The following TCF3 variants were observed in gnomAD, a reference collection of about 807,000 sequenced individuals.
TCF3 encodes the protein transcription factor 3.
TCF3 carries 54 observed loss-of-function variants against 72.3 expected under a neutral mutation model. That is an observed-to-expected ratio of 0.75 (90% CI 0.60 to 0.94). The LOEUF (loss-of-function observed/expected upper bound fraction) is 0.94. Ranked by LOEUF, TCF3 falls within the 40% of genes least tolerant of loss-of-function variation. TCF3 has a pLI of 0.00. For missense variants in TCF3, 1,078 were observed against 934.4 expected (o/e 1.15, Z -2.00); for synonymous variants, 525 against 412.6 (o/e 1.27, Z -3.30).
At position 1,624,619 on chromosome 19, in the gene TCF3, C is replaced by A. The variant is rs144710512; in HGVS notation, c.500-619G>T. ...CGCAGTCAGGCTTCACCACTAGGGGCTGCTGTTTGCAAACTCGCCTACAGG... is the reference window on the plus strand; with the variant it reads ...CGCAGTCAGGCTTCACCACTAGGGGATGCTGTTTGCAAACTCGCCTACAGG... On this transcript the variant is annotated intron_variant, in intron 7 of 18. Transcript: ENST00000262965. Among the ~76,000 whole-genome samples the A allele has an allele frequency of 4.1e-4, 63 of 152,324 alleles. No homozygotes were observed. The East Asian group carries it at 0.011, about 27-fold the overall frequency.
chr19:1,637,864 G>A (rs1210943695), intron 3 of TCF3, among the ~76,000 whole-genome samples: 1 of 151,970 alleles, frequency 6.6e-6, no homozygotes, highest in East Asian at 1.9e-4. Flanking sequence ...AGCCGAGATC[G>A]TGCCACTGCA....
intron 3 of TCF3, among the ~76,000 whole-genome samples, chr19:1,644,752 TG>T (rs2065828759): frequency 6.6e-6 from 1 of 152,112 alleles, no homozygotes; most frequent in Non-Finnish European, 1.5e-5. Flanking sequence ...CAGTGGTCCG[TG>T]CCAGGGCTGA....
chr19:1,612,483 G>A, intron 18 of TCF3: 2 of 1,519,164 alleles, frequency 1.3e-6, no homozygotes, highest in Non-Finnish European at 9.1e-7. Context: ...AGGCTGGGTG[G>A]GAGGGCAGGG....
In TCF3 at chr19:1,621,174, C is replaced by G; in HGVS notation, c.973G>C (p.Ala325Pro). 6.5e-7 allele frequency: 1 copy of G among 1,537,814 alleles called. No individual in the cohort carries two copies. Among genetic ancestry groups the G allele is most frequent in the Non-Finnish European group, 8.7e-7 (1 of 1,146,122 alleles). Reference protein sequence around the residue: ...DSLLGSRGTTAGSSGDALGKA... With the variant: ...DSLLGSRGTTPGSSGDALGKA... Reference sequence around the variant, plus strand: ...CCGAGGGCATCCCCGGAGCTGCCAGCTGTGGTCCCTCGGGAGCCTGTGGGT... The same window carrying G: ...CCGAGGGCATCCCCGGAGCTGCCAGGTGTGGTCCCTCGGGAGCCTGTGGGT... Residue 325 changes from alanine (A) to proline (P), a missense_variant, in exon 12 of 19, where the codon GCT becomes CCT. Transcript: ENST00000262965.
chr19:1,640,877 G>A (rs574379609), intron 3 of TCF3, among the ~76,000 whole-genome samples: 7 of 150,054 alleles, frequency 4.7e-5, no homozygotes, highest in East Asian at 2.0e-4. Context: ...GGCCAGGCGC[G>A]GTGGTTCACG....
At position 1,652,555 on chromosome 19, in the gene TCF3, G is replaced by C. The variant is rs1330666911; in HGVS notation, c.-295C>G. 1 of 144,762 alleles carries C rather than the reference G, an allele frequency of 6.9e-6. No homozygotes were observed. Among genetic ancestry groups the C allele is most frequent in the African/African-American group, 2.5e-5 (1 of 40,170 alleles). The allele number at this position is 144,762 out of a possible 1,614,324, so 9.0% of individuals were successfully genotyped here. ...CGGTGCCCGCCGCCGCGTCGGCTCC[G>C]GCCCGCTACGCCCGCAGCCGCCGCC... On this transcript the variant is annotated 5_prime_UTR_variant, in exon 1 of 19. Transcript: ENST00000262965.
At position 1,619,482 on chromosome 19, in the gene TCF3, G is replaced by A; in HGVS notation, c.1168-8C>T. ...GTCTTCTATCTTACTCTGCTGCAGG[G>A]TGGGGGGATGGGTGGTGAGGGGCCC... On this transcript the variant is annotated splice_region_variant and splice_polypyrimidine_tract_variant and intron_variant, in intron 14 of 18. Transcript: ENST00000262965. 6.4e-7 allele frequency: 1 copy of A among 1,569,486 alleles called. No individual in the cohort carries two copies. The highest frequency in any genetic ancestry group is 8.6e-7 in the Non-Finnish European group (1 of 1,160,492).
intron 3 of TCF3, among the ~76,000 whole-genome samples, chr19:1,642,207 C>CGCAG (rs2065386885): frequency 6.6e-6 from 1 of 151,778 alleles, no homozygotes; most frequent in Non-Finnish European, 1.5e-5. Flanking sequence ...CGCAGACACG[C>CGCAG]ACACACGCGC....
At chr19:1,621,487 C>T (rs1324099126) in intron 11 of TCF3, among the ~76,000 whole-genome samples, 1 of 151,088 alleles carries the variant, frequency 6.6e-6, no homozygotes, top group East Asian at 1.9e-4. Flanking sequence ...AACTGAGTCC[C>T]TCTCTGGGCC....
Position 1,610,943 on chromosome 19 carries a change from G to A in TCF3, c.*764C>T, listed in dbSNP as rs781366349. On this transcript the variant is annotated 3_prime_UTR_variant, in exon 19 of 19. Coordinates refer to ENST00000262965, the MANE Select transcript of TCF3 (RefSeq NM_003200.5). ...GGCTTCCGGGGGGGGGGGGGGACGG[G>A]GGGGCTCAGGTTTACACGGGGTCTT... The A allele has an allele frequency of 2.7e-4, 54 of 201,412 alleles. No individual in the cohort carries two copies. Among genetic ancestry groups the A allele is most frequent in the Admixed American group, 1.0e-3 (17 of 16,452 alleles). 12.5% of individuals were successfully genotyped at this position (201,412 alleles called of 1,614,324 possible). A position where few individuals can be genotyped will look rare whatever the true frequency, so the allele number is the denominator to read the frequency against.
At chr19:1,639,993 G>A (rs990430161) in intron 3 of TCF3, among the ~76,000 whole-genome samples, 2 of 152,164 alleles carry the variant, frequency 1.3e-5, no homozygotes, top group African/African-American at 4.8e-5. Flanking sequence ...TGCCAATGAA[G>A]CAGATTCTCC....
chr19:1,639,066 CAG>C (rs1491451516), intron 3 of TCF3, among the ~76,000 whole-genome samples: 1 of 152,332 alleles, frequency 6.6e-6, no homozygotes, highest in African/African-American at 2.4e-5. Context: ...TTTTCTGAGA[CAG>C]AGTCTCGCTG....
chr19:1,624,033 CCGGCCAT>C, intron 7 of TCF3, 33 bp from the exon 8 acceptor site: 1 of 1,610,682 alleles, frequency 6.2e-7, no homozygotes, highest in South Asian at 1.1e-5. Context: ...GAACCGGCCA[CCGGCCAT>C]GAGAACAACC....
chr19:1,646,745 G>C (rs1366097882), intron 2 of TCF3, among the ~76,000 whole-genome samples: 1 of 152,222 alleles, frequency 6.6e-6, no homozygotes, highest in Non-Finnish European at 1.5e-5. Context: ...CTGGGGGGAG[G>C]GGTATCCCAT....
chr19:1,647,869 G>A (rs562230310), intron 2 of TCF3, among the ~76,000 whole-genome samples: 3 of 152,344 alleles, frequency 2.0e-5, no homozygotes, highest in African/African-American at 7.2e-5. Flanking sequence ...TCTGAGAAAT[G>A]GACCGAGGGC....
chr19:1,651,679 G>T (rs535228929), intron 1 of TCF3, among the ~76,000 whole-genome samples: 2 of 152,050 alleles, frequency 1.3e-5, no homozygotes, highest in African/African-American at 4.8e-5. Flanking sequence ...GAGGCGGCCC[G>T]GGAAGCCGGA....
intron 6 of TCF3, among the ~76,000 whole-genome samples, chr19:1,626,958 A>G (rs1018287908): frequency 1.3e-5 from 2 of 152,134 alleles, no homozygotes; most frequent in African/African-American, 2.4e-5. Context: ...GTGGCTGGTC[A>G]CAGCCCCCAA....
rs576811361 is a variant in TCF3, at chr19:1,644,646, C to T, written c.145+1709G>A. Among the ~76,000 whole-genome samples, 4 of 152,290 alleles carry T rather than the reference C, an allele frequency of 2.6e-5. 1 individual carries two copies. The highest frequency in any genetic ancestry group is 9.6e-5 in the African/African-American group (4 of 41,578). On this transcript the variant is annotated intron_variant, in intron 3 of 18. Transcript: ENST00000262965. ...AACATTGGCAGGTTCCTGCTGGGACCGGGCTGGGCGTCCAGGGAGAGGCAA... is the reference window on the plus strand; with the variant it reads ...AACATTGGCAGGTTCCTGCTGGGACTGGGCTGGGCGTCCAGGGAGAGGCAA...
chr19:1,652,152 T>A (rs2067215528), intron 1 of TCF3, 148 bp downstream of exon 1: 1 of 141,600 alleles, frequency 7.1e-6, no homozygotes, highest in African/African-American at 2.7e-5. Flanking sequence ...GAACAATGAC[T>A]CCCGGGCCGC....
Sources: allele counts gnomAD v4.1 joint callset (sites outside exome capture counted in the v4.1 genomes callset), GRCh38; gene constraint gnomAD v4.1.1; transcripts MANE v1.5; gene names NCBI Gene and HGNC (gene_info 2026-07-23, HGNC 2026-07-21).